PHYHD1: variants seen among roughly 807,000 people sequenced by gnomAD.
PHYHD1 encodes phytanoyl-CoA dioxygenase domain-containing protein 1.
A neutral mutation model predicts 43.6 loss-of-function variants in PHYHD1; 42 were observed. That is an observed-to-expected ratio of 0.96 (90% CI 0.75 to 1.25). The LOEUF is 1.25. Ranked by LOEUF, PHYHD1 falls within the 50% of genes most tolerant of loss-of-function variation. PHYHD1 has a pLI of 0.00. For missense variants in PHYHD1, 342 were observed against 370.8 expected, an observed-to-expected ratio of 0.92 and a Z score of 0.64; for synonymous variants, 139 against 143.6, an observed-to-expected ratio of 0.97 and a Z score of 0.23.
chr9:128,926,842 C>T (rs990301218), intron 3 of PHYHD1, 196 bp from the exon 4 acceptor site: 2 of 729,968 alleles, frequency 2.7e-6, no homozygotes, highest in East Asian at 2.8e-5. Flanking sequence ...CTGCACCCGG[C>T]CTCACTACTT....
At chr9:128,935,602 C>T (rs968279521) in intron 6 of PHYHD1, among the ~76,000 whole-genome samples, 9 of 146,658 alleles carry the variant, frequency 6.1e-5, no homozygotes, top group Non-Finnish European at 1.3e-4. Flanking sequence ...TCATCATAAC[C>T]CTTTTAAAGT....
At chr9:128,922,151 G>A (rs1272364219) in intron 2 of PHYHD1, 104 bp downstream of exon 2, 5 of 638,058 alleles carry the variant, frequency 7.8e-6, no homozygotes, top group East Asian at 6.1e-5. Flanking sequence ...GGGGGTGGGG[G>A]AGATTAGCCT....
chr9:128,923,756 G>T (rs992556456), intron 3 of PHYHD1, among the ~76,000 whole-genome samples: 3 of 152,110 alleles, frequency 2.0e-5, no homozygotes, highest in African/African-American at 7.2e-5. Flanking sequence ...ATGCCAAGGT[G>T]GGAGGATCGC....
intron 4 of PHYHD1, among the ~76,000 whole-genome samples, chr9:128,931,388 A>G (rs1045128396): frequency 5.3e-5 from 8 of 151,222 alleles, no homozygotes; most frequent in Non-Finnish European, 7.4e-5. Context: ...TAGGATTACA[A>G]GCATGAGCCA....
At chr9:128,923,575 A>G (rs1841058378) in intron 3 of PHYHD1, among the ~76,000 whole-genome samples, 1 of 152,226 alleles carries the variant, frequency 6.6e-6, no homozygotes, top group African/African-American at 2.4e-5. Flanking sequence ...ACTTTGTTAA[A>G]CTAATCCCCT....
intron 4 of PHYHD1, among the ~76,000 whole-genome samples, chr9:128,930,618 A>T (rs1442695300): frequency 2.0e-5 from 3 of 149,670 alleles, no homozygotes; most frequent in Non-Finnish European, 3.0e-5. Flanking sequence ...GGCAAGAGTG[A>T]ACCTCCGTCT....
chr9:128,927,165 C>T lies in PHYHD1; in HGVS notation c.161C>T (p.Ser54Phe). 3.7e-6 allele frequency: 6 copies of T among 1,614,098 alleles called. No homozygotes were observed. The highest frequency in any genetic ancestry group is 1.7e-4 in the Middle Eastern group (1 of 6,054). ...CCTCTCCACTGCCGCACAGAATTCT[C>T]CACCCAGGAAGAGGAGCAGCTTCGA... ...DVPLHCRTEF[S>F]TQEEEQLRAQ... is the part of the protein sequence containing the mutation. The change falls in exon 4 of 13, where the codon TCC becomes TTC. Residue 54 changes from serine (S) to phenylalanine (F), a missense_variant. Coordinates refer to ENST00000372592, the MANE Select transcript of PHYHD1 (RefSeq NM_001100876.2).
intron 6 of PHYHD1, among the ~76,000 whole-genome samples, chr9:128,934,676 G>A (rs1008300943): frequency 6.6e-6 from 1 of 151,626 alleles, no homozygotes; most frequent in African/African-American, 2.4e-5. Context: ...GCTGAAGCGG[G>A]AGAATAGCTT....
At chr9:128,929,118 C>T (rs1841209191) in intron 4 of PHYHD1, among the ~76,000 whole-genome samples, 1 of 152,038 alleles carries the variant, frequency 6.6e-6, no homozygotes, top group Non-Finnish European at 1.5e-5. Flanking sequence ...CGCTTGAGCC[C>T]AGGAATTCGC....
chr9:128,941,631 C>G (rs1440909417), intron 12 of PHYHD1, 37 bp from the exon 13 acceptor site: 1 of 1,614,174 alleles, frequency 6.2e-7, no homozygotes, highest in East Asian at 2.2e-5. Context: ...AACAGTGACC[C>G]TGCACCTCAA....
intron 8 of PHYHD1, among the ~76,000 whole-genome samples, chr9:128,936,918 C>G (rs1841437721): frequency 6.6e-6 from 1 of 151,926 alleles, no homozygotes; most frequent in Non-Finnish European, 1.5e-5. Flanking sequence ...AGTTCGAGAT[C>G]AGCCTGGCCA....
chr9:128,940,056 C>T (rs188112708), intron 9 of PHYHD1, among the ~76,000 whole-genome samples: 1 of 152,282 alleles, frequency 6.6e-6, no homozygotes, highest in Admixed American at 6.5e-5. Context: ...TGGAATTAAA[C>T]AGTAGTGCTA....
At chr9:128,930,573 G>A (rs1362667089) in intron 4 of PHYHD1, among the ~76,000 whole-genome samples, 4 of 149,708 alleles carry the variant, frequency 2.7e-5, no homozygotes, top group African/African-American at 7.4e-5. Context: ...TGGAGGTTGA[G>A]GTGAGCCAAG....
At chr9:128,940,799 C>T (rs950922480) in intron 11 of PHYHD1, 84 bp downstream of exon 11, 1 of 1,401,362 alleles carries the variant, frequency 7.1e-7, no homozygotes, top group Non-Finnish European at 9.9e-7. Context: ...CAAGAGGTTG[C>T]CCTCGGGGTC....
intron 6 of PHYHD1, among the ~76,000 whole-genome samples, chr9:128,935,931 G>C (rs919024875): frequency 6.6e-6 from 1 of 152,148 alleles, no homozygotes; most frequent in South Asian, 2.1e-4. Flanking sequence ...AAAATAAAAA[G>C]TACATAGCTC....
chr9:128,934,083 G>A (rs563478394), intron 6 of PHYHD1, 25 bp downstream of exon 6: 1 of 1,609,700 alleles, frequency 6.2e-7, no homozygotes, highest in South Asian at 1.1e-5. Flanking sequence ...GGGGGTACAG[G>A]AAAGAAGATC....
chr9:128,932,184 A>ATTATTAT (rs1400960079), intron 4 of PHYHD1, among the ~76,000 whole-genome samples: 3 of 108,698 alleles, frequency 2.8e-5, no homozygotes, highest in African/African-American at 8.4e-5. Flanking sequence ...TATTATTATT[A>ATTATTAT]TTTTTTTTTT....
At chr9:128,938,252 G>A (rs1225237513) in intron 9 of PHYHD1, among the ~76,000 whole-genome samples, 1 of 151,990 alleles carries the variant, frequency 6.6e-6, no homozygotes, top group Non-Finnish European at 1.5e-5. Context: ...AGGTTGCAGT[G>A]AGCCAAGATC....
At chr9:128,936,340 C>T in intron 6 of PHYHD1, 108 bp from the exon 7 acceptor site, 2 of 1,458,098 alleles carry the variant, frequency 1.4e-6, no homozygotes, top group East Asian at 2.5e-5. Flanking sequence ...TTAATGCCTA[C>T]AAAGTAAGTG....
Sources: gnomAD v4.1 joint callset for allele counts (sites outside exome capture counted in the v4.1 genomes callset) on GRCh38, gnomAD v4.1.1 for gene constraint, MANE v1.5 for transcripts, NCBI Gene and HGNC (gene_info 2026-07-23, HGNC 2026-07-21) for gene names.